Variants in CES2 observed in about 807,000 individuals in gnomAD.
The protein encoded by CES2 is cocaine esterase.
In CES2, 42 loss-of-function variants were observed where a neutral mutation model predicts 52.1. That is an observed-to-expected ratio of 0.81 (90% confidence interval 0.63 to 1.04). The LOEUF (loss-of-function observed/expected upper bound fraction) is 1.04, where lower values mean the gene tolerates loss of function less well. CES2 is among the 50% of genes least tolerant of loss of function. The pLI, the probability that CES2 is intolerant of heterozygous loss-of-function variation, is 0.00. For missense variants in CES2, 656 were observed against 724.3 expected (o/e 0.91, Z 1.08); for synonymous variants, 277 against 289.6 (o/e 0.96, Z 0.44).
chr16:66,938,024 T>C lies in CES2; in HGVS notation c.77-13T>C. 1 of 1,611,024 alleles carries C rather than the reference T, an allele frequency of 6.2e-7. No homozygotes were observed. The highest frequency in any genetic ancestry group is 8.5e-7 in the Non-Finnish European group (1 of 1,177,332). On this transcript the variant is annotated splice_polypyrimidine_tract_variant and intron_variant, in intron 1 of 11. Transcript: ENST00000317091. ...GTCAAACCCAACCGTGATGTCTGTC[T>C]CTCTGCCCACAGGCCAGGACTCAGC...
chr16:66,942,611 G>A, intron 9 of CES2, 37 bp from the exon 10 acceptor site: 1 of 1,611,490 alleles, frequency 6.2e-7, no homozygotes, highest in Non-Finnish European at 8.5e-7. Context: ...GTCTTCAGGG[G>A]GAGGGGCCAC....
rs771322634 is a variant in CES2 at position 66,943,871 on chromosome 16, C to T, written c.1526C>T (p.Pro509Leu). Residue 509 changes from proline (P) to leucine (L), a missense_variant, in exon 12 of 12, where the codon CCG (proline) becomes CTG (leucine). Physicochemically the swap from Pro to Leu is moderately conservative, Grantham distance 98. Coordinates refer to ENST00000317091, the MANE Select transcript of CES2 (RefSeq NM_001365405.1). The surrounding 1 kb of genome is among the most constrained non-coding windows in gnomAD (Gnocchi z 4.2). ...AATGGCGAGGGTCTGCCACACTGGCCGCTGTTCGACCAGGAGGAGCAATAC... is the reference window on the plus strand; with the variant it reads ...AATGGCGAGGGTCTGCCACACTGGCTGCTGTTCGACCAGGAGGAGCAATAC... ...NPNGEGLPHW[P>L]LFDQEEQYLQ... 5 of 1,605,186 alleles carry T rather than the reference C, an allele frequency of 3.1e-6. No individual in the cohort carries two copies. Among genetic ancestry groups the T allele is most frequent in the Admixed American group, 3.3e-5 (2 of 59,752 alleles).
rs2145504652 is a variant in CES2, at chr16:66,940,293, T to G, written c.495T>G (p.Ala165=). Residue 165 remains alanine (A), a synonymous_variant, in exon 4 of 12, where the codon GCT becomes GCG. Coordinates refer to ENST00000317091, the MANE Select transcript of CES2 (RefSeq NM_001365405.1). ...MASLYDGSML[A]ALENVVVVII... is the part of the protein sequence containing the mutation. ...CCTTGTATGATGGTTCCATGCTGGC[T>G]GCCTTGGAGAACGTGGTGGTGGTCA... The G allele has an allele frequency of 1.9e-6, 3 of 1,614,132 alleles. No individual in the cohort carries two copies. The highest frequency in any genetic ancestry group is 2.5e-6 in the Non-Finnish European group (3 of 1,180,030).
Position 66,938,258 on chromosome 16 carries a change from G to C in CES2, c.281+17G>C. The C allele has an allele frequency of 6.3e-7, 1 of 1,596,684 alleles. No homozygotes were observed. Reference sequence around the variant, plus strand: ...TCCGGCCATGTAAGCTCTCCAAGGGGTCCAGGGAACTCCAGGCCCTGGGGC... The same window carrying C: ...TCCGGCCATGTAAGCTCTCCAAGGGCTCCAGGGAACTCCAGGCCCTGGGGC... On this transcript the variant is annotated intron_variant, in intron 2 of 11. Transcript: ENST00000317091.
At chr16:66,942,565 G>A in intron 9 of CES2, 83 bp from the exon 10 acceptor site, 1 of 1,507,542 alleles carries the variant, frequency 6.6e-7, no homozygotes, top group Non-Finnish European at 9.1e-7. Context: ...GCCAGCTTTG[G>A]ACCTAGGTAT....
intron 1 of CES2, among the ~76,000 whole-genome samples, chr16:66,936,961 C>A (rs1963231248): frequency 6.7e-6 from 1 of 149,238 alleles, no homozygotes; most frequent in Admixed American, 6.8e-5. Context: ...ATGGGAGGAT[C>A]ACTTGAGGCT....
rs1444855722 is a variant in CES2 at position 66,944,147 on chromosome 16, AC to A, written c.*123del. 1 of 524,676 alleles carries A rather than the reference AC, an allele frequency of 1.9e-6. No homozygotes were observed. The highest frequency in any genetic ancestry group is 3.3e-6 in the Non-Finnish European group (1 of 300,586). 32.5% of individuals were successfully genotyped at this position (524,676 alleles called of 1,614,324 possible). A position where few individuals can be genotyped will look rare whatever the true frequency, so the allele number is the denominator to read the frequency against. On this transcript the variant is annotated 3_prime_UTR_variant, in exon 12 of 12. Transcript: ENST00000317091. ...TTCATTCACTTCGCCATTCATTCAT[AC>A]TTCCGTCCATCCATTCAGAAAGCAT...
chr16:66,937,684 T>G (rs1963246031), intron 1 of CES2, among the ~76,000 whole-genome samples: 1 of 152,214 alleles, frequency 6.6e-6, no homozygotes, highest in Non-Finnish European at 1.5e-5. Flanking sequence ...ATGACATCCC[T>G]GAGGACAAGA....
In CES2 at chr16:66,940,325, A is replaced by G; in HGVS notation, c.527A>G (p.Gln176Arg). The G allele has an allele frequency of 1.2e-6, 2 of 1,614,154 alleles. No individual in the cohort carries two copies. Among genetic ancestry groups the G allele is most frequent in the Non-Finnish European group, 1.7e-6 (2 of 1,180,014 alleles). ...ALENVVVVII[Q>R]YRLGVLGFFS... ...GAGAACGTGGTGGTGGTCATCATCCAGTACCGCCTGGGTGTCCTGGGCTTC... is the reference window on the plus strand; with the variant it reads ...GAGAACGTGGTGGTGGTCATCATCCGGTACCGCCTGGGTGTCCTGGGCTTC... The change falls in exon 4 of 12, where the codon CAG becomes CGG. Residue 176 changes from glutamine (Q) to arginine (R), a missense_variant. Physicochemically the swap from Gln to Arg is conservative, Grantham distance 43 (BLOSUM62 1). Coordinates refer to ENST00000317091, the MANE Select transcript of CES2 (RefSeq NM_001365405.1).
chr16:66,942,671 T>C lies in CES2; in HGVS notation c.1306T>C (p.Tyr436His). 6.2e-7 allele frequency: 1 copy of C among 1,614,196 alleles called. No individual in the cohort carries two copies. The highest frequency in any genetic ancestry group is 8.5e-7 in the Non-Finnish European group (1 of 1,180,026). ...AGGTTCCCGGGCCCCTGTGTACTTC[T>C]ACGAGTTCCAGCATCAGCCCAGCTG... ...FQCSRAPVYF[Y>H]EFQHQPSWLK... The change falls in exon 10 of 12, where the codon TAC (tyrosine) becomes CAC (histidine). Residue 436 changes from tyrosine to histidine, a missense_variant. Transcript: ENST00000317091.
Position 66,943,755 on chromosome 16 carries a change from T to C in CES2, c.1494-84T>C, listed in dbSNP as rs996560063. 8.2e-7 allele frequency: 1 copy of C among 1,212,222 alleles called. No homozygotes were observed. Among genetic ancestry groups the C allele is most frequent in the Admixed American group, 2.3e-5 (1 of 42,804 alleles). The allele number at this position is 1,212,222 out of a possible 1,614,324, so 75.1% of individuals were successfully genotyped here. On this transcript the variant is annotated intron_variant, in intron 11 of 11. Transcript: ENST00000317091. The surrounding 1 kb of genome is among the most constrained non-coding windows in gnomAD (Gnocchi z 4.2). ...ACCTGGCCTGCTTGGCTGCCTTGCC[T>C]GACCAGACTCAGGGTGCTCAGGTCT... is the stretch of plus-strand genomic sequence containing the variant.
intron 9 of CES2, 70 bp from the exon 10 acceptor site, chr16:66,942,578 T>C: frequency 1.3e-6 from 2 of 1,566,922 alleles, no homozygotes; most frequent in African/African-American, 1.4e-5. Flanking sequence ...CTAGGTATCT[T>C]ATCACCATGG....
At position 66,938,085 on chromosome 16, in the gene CES2, T is replaced by C. The variant is rs754560205; in HGVS notation, c.125T>C (p.Leu42Pro). 1.2e-6 allele frequency: 2 copies of C among 1,614,162 alleles called. No individual in the cohort carries two copies. Among genetic ancestry groups the C allele is most frequent in the Non-Finnish European group, 1.7e-6 (2 of 1,180,024 alleles). Residue 42 changes from leucine (L) to proline (P), a missense_variant, in exon 2 of 12, where the codon CTG becomes CCG. Physicochemically the swap from Leu to Pro is moderately conservative, Grantham distance 98. Transcript: ENST00000317091. ...CGGACCACACACACGGGGCAGGTGC[T>C]GGGGAGTCTTGTCCATGTGAAGGGC... ...PIRTTHTGQV[L>P]GSLVHVKGAN...
intron 8 of CES2, 39 bp downstream of exon 8, chr16:66,941,887 C>T: frequency 6.2e-7 from 1 of 1,612,846 alleles, no homozygotes; most frequent in Non-Finnish European, 8.5e-7. Flanking sequence ...GAGACGGGCT[C>T]CTCTCCTGTC....
rs776516162 is a variant in CES2 at position 66,938,021 on chromosome 16, G to C, written c.77-16G>C. The C allele has an allele frequency of 1.2e-6, 2 of 1,610,164 alleles. No individual in the cohort carries two copies. The highest frequency in any genetic ancestry group is 1.3e-5 in the African/African-American group (1 of 74,980). On this transcript the variant is annotated splice_polypyrimidine_tract_variant and intron_variant, in intron 1 of 11. Transcript: ENST00000317091. ...TTGGTCAAACCCAACCGTGATGTCT[G>C]TCTCTCTGCCCACAGGCCAGGACTC...
At chr16:66,940,759 G>A in intron 5 of CES2, 64 bp downstream of exon 5, 1 of 1,565,944 alleles carries the variant, frequency 6.4e-7, no homozygotes, top group Non-Finnish European at 8.7e-7. Context: ...CAGAGCCTCT[G>A]TCTGTTAAAC....
At chr16:66,935,754 T>C (rs746811378) in intron 1 of CES2, 43 bp downstream of exon 1, 1 of 1,598,364 alleles carries the variant, frequency 6.3e-7, no homozygotes, top group South Asian at 1.1e-5. Context: ...GGCTCAGATC[T>C]GCCAAATGCT....
chr16:66,938,629 C>G (rs905216122), intron 2 of CES2, among the ~76,000 whole-genome samples: 12 of 152,314 alleles, frequency 7.9e-5, no homozygotes, highest in African/African-American at 2.6e-4. Context: ...GTTGCAAATA[C>G]CTGAAGAGAA....
intron 6 of CES2, 111 bp downstream of exon 6, chr16:66,941,333 G>T (rs1963358166): frequency 5.9e-6 from 9 of 1,531,928 alleles, no homozygotes; most frequent in Middle Eastern, 3.7e-4. Context: ...GCATGCCTGA[G>T]TGTCATAGCC....
Sources: allele counts gnomAD v4.1 joint callset (sites outside exome capture counted in the v4.1 genomes callset), GRCh38; gene constraint gnomAD v4.1.1; non-coding constraint Gnocchi (gnomAD v3.1); transcripts MANE v1.5; gene names NCBI Gene and HGNC (gene_info 2026-07-23, HGNC 2026-07-21).